PPARGC1A: variants seen among roughly 807,000 people sequenced by gnomAD.
PPARGC1A encodes the protein PPARG coactivator 1 alpha.
PPARGC1A carries 25 observed loss-of-function variants against 88.7 expected under a neutral mutation model. The ratio of observed to expected loss-of-function variants is 0.28; its 90% CI spans 0.21 to 0.39. The LOEUF is 0.39. PPARGC1A is among the 10% of genes least tolerant of loss of function. The pLI is 1.00. For missense variants in PPARGC1A, 880 were observed against 968.7 expected (o/e 0.91, Z 1.22); for synonymous variants, 363 against 355.6 (o/e 1.02, Z -0.24).
the PPARGC1A span, among the ~76,000 whole-genome samples, chr4:24,118,904 T>C: frequency 6.6e-6 from 1 of 151,744 alleles, no homozygotes; most frequent in Non-Finnish European, 1.5e-5. Flanking sequence ...GGCTCCAACC[T>C]GAAAAAAAAA....
At chr4:23,843,607 A>T (rs187317904) in intron 2 of PPARGC1A, among the ~76,000 whole-genome samples, 65 of 152,244 alleles carry the variant, frequency 4.3e-4, no homozygotes, top group Middle Eastern at 3.4e-3. Context: ...GAGATAAGAC[A>T]TGAACAAATG....
At chr4:24,194,201 A>C in the PPARGC1A span, among the ~76,000 whole-genome samples, 10 of 152,086 alleles carry the variant, frequency 6.6e-5, no homozygotes, top group African/African-American at 2.4e-4. Context: ...GGGAGGAAGC[A>C]ACTCTCCAGT....
chr4:24,159,378 T>C, the PPARGC1A span, among the ~76,000 whole-genome samples: 2 of 151,962 alleles, frequency 1.3e-5, no homozygotes, highest in East Asian at 3.9e-4. Context: ...CCCTGACTAA[T>C]GTTTGTATTT....
chr4:23,998,506 T>C, the PPARGC1A span, among the ~76,000 whole-genome samples: 1 of 151,880 alleles, frequency 6.6e-6, no homozygotes, highest in South Asian at 2.1e-4. Context: ...AAAGAGAGAG[T>C]AAAGTAAGAG....
chr4:24,106,571 C>T, the PPARGC1A span, among the ~76,000 whole-genome samples: 1 of 152,096 alleles, frequency 6.6e-6, no homozygotes, highest in Admixed American at 6.5e-5. Flanking sequence ...CTATGGCAGA[C>T]TGATTACAAA....
the PPARGC1A span, among the ~76,000 whole-genome samples, chr4:24,351,398 AAAAAAAAAAAG>A: frequency 1.3e-5 from 2 of 151,872 alleles, no homozygotes; most frequent in Non-Finnish European, 2.9e-5. Context: ...TGTCTCAAAA[AAAAAAAAAAAG>A]AAAAGAAAAA....
chr4:24,444,982 G>A, the PPARGC1A span, among the ~76,000 whole-genome samples: 4 of 152,058 alleles, frequency 2.6e-5, no homozygotes, highest in African/African-American at 9.7e-5. Context: ...AGCCCAGGAG[G>A]TGGAGGTTGC....
chr4:24,325,312 C>T, the PPARGC1A span, among the ~76,000 whole-genome samples: 243 of 152,202 alleles, frequency 1.6e-3, 1 homozygote, highest in Admixed American at 4.6e-3. Flanking sequence ...AACCCCACAA[C>T]AGGATTTAAT....
intron 1 of PPARGC1A, among the ~76,000 whole-genome samples, chr4:23,895,216 T>C (rs940603689): frequency 1.3e-5 from 2 of 150,836 alleles, no homozygotes; most frequent in Admixed American, 6.6e-5. Flanking sequence ...TTTTTAGTGC[T>C]TGAGTACTAA....
the PPARGC1A span, among the ~76,000 whole-genome samples, chr4:24,106,929 G>T: frequency 6.6e-6 from 1 of 152,146 alleles, no homozygotes; most frequent in Admixed American, 6.5e-5. Context: ...ATAAATGGTG[G>T]TTGCTTCAAG....
the PPARGC1A span, among the ~76,000 whole-genome samples, chr4:24,204,948 A>C: frequency 6.6e-6 from 1 of 152,062 alleles, no homozygotes; most frequent in Admixed American, 6.6e-5. Context: ...TCAGTCTCCC[A>C]AGTAGCTAGG....
the PPARGC1A span, among the ~76,000 whole-genome samples, chr4:23,931,772 A>G: frequency 6.6e-6 from 1 of 152,212 alleles, no homozygotes; most frequent in Non-Finnish European, 1.5e-5. Context: ...CTAAGTGGCT[A>G]ACAAGTGGTA....
At chr4:23,801,416 G>C (rs1157453466) in intron 12 of PPARGC1A, among the ~76,000 whole-genome samples, 1 of 151,014 alleles carries the variant, frequency 6.6e-6, no homozygotes, top group Admixed American at 6.6e-5. Context: ...AAAATATAAA[G>C]CTGCATGCAC....
intron 7 of PPARGC1A, chr4:23,820,559 G>A: frequency 2.5e-6 from 1 of 397,660 alleles, no homozygotes; most frequent in Non-Finnish European, 5.1e-6. Context: ...AGATTTAAAT[G>A]CCTTCTGCCA....
chr4:23,846,374 TG>T (rs1471296393), intron 2 of PPARGC1A, among the ~76,000 whole-genome samples: 2 of 152,206 alleles, frequency 1.3e-5, no homozygotes, highest in Non-Finnish European at 2.9e-5. Context: ...ACATCTGTTT[TG>T]GAACTATTGG....
chr4:24,048,503 C>G, the PPARGC1A span, among the ~76,000 whole-genome samples: 1 of 152,092 alleles, frequency 6.6e-6, no homozygotes, highest in Admixed American at 6.5e-5. Context: ...GTTTATGGCC[C>G]ATTTTCTTAA....
the PPARGC1A span, among the ~76,000 whole-genome samples, chr4:24,288,551 C>G: frequency 6.6e-6 from 1 of 152,132 alleles, no homozygotes; most frequent in South Asian, 2.1e-4. Context: ...AGAAATAAAC[C>G]TTGGAGGAAA....
the PPARGC1A span, among the ~76,000 whole-genome samples, chr4:24,373,965 C>T: frequency 1.4e-4 from 21 of 152,320 alleles, no homozygotes; most frequent in East Asian, 4.1e-3. Context: ...AGCACAGACA[C>T]ACAGAAATCA....
chr4:24,268,821 G>T, the PPARGC1A span, among the ~76,000 whole-genome samples: 12 of 152,234 alleles, frequency 7.9e-5, no homozygotes, highest in African/African-American at 2.9e-4. Context: ...AAAGCAAAAT[G>T]CAAACTAATA....
Sources: allele counts gnomAD v4.1 joint callset (sites outside exome capture counted in the v4.1 genomes callset), GRCh38; gene constraint gnomAD v4.1.1; transcripts MANE v1.5; gene names NCBI Gene and HGNC (gene_info 2026-07-23, HGNC 2026-07-21).